The following NR2C1 variants were observed in gnomAD, a reference collection of about 807,000 sequenced individuals.
NR2C1 encodes nuclear receptor subfamily 2 group C member 1.
NR2C1 carries 33 observed loss-of-function variants against 74.8 expected under a neutral mutation model. The ratio of observed to expected loss-of-function variants is 0.44; its 90% confidence interval spans 0.33 to 0.59. The LOEUF is 0.59. Among genes scored for constraint, NR2C1 ranks in the 20% least tolerant of loss-of-function variants. The probability of loss-of-function intolerance (pLI) is 0.02; values close to 1 mark genes in which losing one functional copy is unlikely to be tolerated. For synonymous variants in NR2C1, 225 were observed against 240.6 expected (o/e 0.94, Z 0.60); for missense variants, 568 against 715.6 (o/e 0.79, Z 2.35).
At chr12:95,063,994 A>G (rs1592790455) in intron 2 of NR2C1, among the ~76,000 whole-genome samples, 1 of 134,620 alleles carries the variant, frequency 7.4e-6, no homozygotes, top group Non-Finnish European at 1.5e-5. Context: ...ACACCACTAC[A>G]CTCCAGCCTG....
chr12:95,029,116 C>T (rs186819081), intron 11 of NR2C1, among the ~76,000 whole-genome samples: 1 of 152,190 alleles, frequency 6.6e-6, no homozygotes, highest in African/African-American at 2.4e-5. Flanking sequence ...GGGTCTCGCT[C>T]TGTTGCCCAA....
intron 3 of NR2C1, among the ~76,000 whole-genome samples, chr12:95,061,397 G>A (rs996675097): frequency 1.3e-5 from 2 of 152,134 alleles, no homozygotes; most frequent in African/African-American, 4.8e-5. Context: ...GGAGTAATAT[G>A]GGAACTCTGT....
intron 7 of NR2C1, among the ~76,000 whole-genome samples, chr12:95,052,458 A>G (rs762241962): frequency 6.6e-6 from 1 of 151,830 alleles, no homozygotes; most frequent in African/African-American, 2.4e-5. Flanking sequence ...CCGGCCGTAT[A>G]TGTTACTTTT....
chr12:95,044,943 T>G (rs1265593933), intron 9 of NR2C1, among the ~76,000 whole-genome samples: 1 of 151,914 alleles, frequency 6.6e-6, no homozygotes, highest in Non-Finnish European at 1.5e-5. Flanking sequence ...CTCAGGCCTA[T>G]AATCTCAGCA....
chr12:95,068,890 A>T (rs577571816), intron 1 of NR2C1, among the ~76,000 whole-genome samples: 1 of 152,120 alleles, frequency 6.6e-6, no homozygotes, highest in Non-Finnish European at 1.5e-5. Context: ...ATAAACTTGG[A>T]AGGCAGAGGC....
chr12:95,051,463 G>C (rs140573133), intron 8 of NR2C1, among the ~76,000 whole-genome samples: 1 of 152,282 alleles, frequency 6.6e-6, no homozygotes, highest in East Asian at 1.9e-4. Context: ...CAAGACCTAT[G>C]TGTATTACTC....
At chr12:95,042,318 T>C (rs1264861999) in intron 9 of NR2C1, among the ~76,000 whole-genome samples, 1 of 151,256 alleles carries the variant, frequency 6.6e-6, no homozygotes. Context: ...CAAATGAATG[T>C]CCTTCCTCAG....
rs1874203552 is a variant in NR2C1 at position 95,058,185 on chromosome 12, A to G, written c.544+125T>C. 11 of 856,112 alleles carry G rather than the reference A, an allele frequency of 1.3e-5. 1 individual carries two copies. The South Asian group carries it at 2.0e-4, about 16-fold the overall frequency. The allele number at this position is 856,112 out of a possible 1,614,324, so 53.0% of individuals were successfully genotyped here. On this transcript the variant is annotated intron_variant, in intron 5 of 13. Coordinates refer to ENST00000333003, the MANE Select transcript of NR2C1 (RefSeq NM_003297.4). ...AGTACATACGTAGGTCTGTATTCTT[A>G]TATTTTTAGTTGGAAAACTGTAAAC...
At chr12:95,042,006 G>A (rs186057697) in intron 9 of NR2C1, among the ~76,000 whole-genome samples, 2 of 152,208 alleles carry the variant, frequency 1.3e-5, no homozygotes, top group African/African-American at 4.8e-5. Context: ...AAATCTCACA[G>A]ACATCCAAGT....
intron 1 of NR2C1, among the ~76,000 whole-genome samples, chr12:95,071,398 T>C (rs564139146): frequency 1.3e-5 from 2 of 152,306 alleles, no homozygotes; most frequent in South Asian, 2.1e-4. Context: ...CAAGAGGCTG[T>C]AGATGGTCTT....
chr12:95,036,079 G>A (rs552814284), intron 10 of NR2C1, among the ~76,000 whole-genome samples: 2 of 152,298 alleles, frequency 1.3e-5, no homozygotes, highest in African/African-American at 4.8e-5. Flanking sequence ...AAATTTCTCA[G>A]TAGAGACTCC....
At position 95,057,657 on chromosome 12, in the gene NR2C1, G is replaced by A. The variant is rs754006106; in HGVS notation, c.693-14C>T. 1 of 1,612,636 alleles carries A rather than the reference G, an allele frequency of 6.2e-7. No individual in the cohort carries two copies. Among genetic ancestry groups the A allele is most frequent in the African/African-American group, 1.3e-5 (1 of 74,854 alleles). On this transcript the variant is annotated splice_polypyrimidine_tract_variant and intron_variant, in intron 6 of 13. Coordinates refer to ENST00000333003, the MANE Select transcript of NR2C1 (RefSeq NM_003297.4). ...AGTCCTGTTGACCTGTAACAAATCA[G>A]CACAAATTTTGGCCTGAGTTTCATT...
At chr12:95,036,709 C>A (rs1870895484) in intron 10 of NR2C1, among the ~76,000 whole-genome samples, 1 of 151,942 alleles carries the variant, frequency 6.6e-6, no homozygotes, top group Non-Finnish European at 1.5e-5. Flanking sequence ...CAGGGTTTTG[C>A]CATGTTGCCC....
In NR2C1 at chr12:95,040,468, A is replaced by G. The variant is rs776131920; in HGVS notation, c.1253+8T>C. 22 of 1,596,078 alleles carry G rather than the reference A, an allele frequency of 1.4e-5. No homozygotes were observed. The highest frequency in any genetic ancestry group is 1.4e-5 in the Non-Finnish European group (16 of 1,172,798). On this transcript the variant is annotated splice_region_variant and intron_variant, in intron 10 of 13. Transcript: ENST00000333003. ...TCACATTTATATTCAAGATTTCAAAACACTCACCCTAGAGCCTGGAAAGAA... is the reference window on the plus strand; with the variant it reads ...TCACATTTATATTCAAGATTTCAAAGCACTCACCCTAGAGCCTGGAAAGAA...
Position 95,058,330 on chromosome 12 carries a change from G to A in NR2C1, c.524C>T (p.Ala175Val), listed in dbSNP as rs1386562663. 5 of 1,610,728 alleles carry A rather than the reference G, an allele frequency of 3.1e-6. No homozygotes were observed. Among genetic ancestry groups the A allele is most frequent in the Non-Finnish European group, 3.4e-6 (4 of 1,179,376 alleles). ...CATACAGTCTTGCTTCATTCCAAAC[G>A]CAATACATCTCTGTAACCTGCAGTA... ...CQYCRLQRCIAFGMKQDSVQC... is the reference protein window; with the variant it reads ...CQYCRLQRCIVFGMKQDSVQC... Residue 175 changes from alanine (A) to valine (V), a missense_variant, in exon 5 of 14, where the codon GCG becomes GTG. Coordinates refer to ENST00000333003, the MANE Select transcript of NR2C1 (RefSeq NM_003297.4).
chr12:95,036,289 A>AG (rs1355845367), intron 10 of NR2C1, among the ~76,000 whole-genome samples: 4 of 151,212 alleles, frequency 2.6e-5, no homozygotes, highest in Non-Finnish European at 4.4e-5. Context: ...AAAAAAAAAA[A>AG]AGGCCGGATA....
intron 12 of NR2C1, among the ~76,000 whole-genome samples, chr12:95,026,389 A>G (rs949094797): frequency 6.6e-6 from 1 of 152,148 alleles, no homozygotes; most frequent in African/African-American, 2.4e-5. Flanking sequence ...AAGCATTTCA[A>G]TGGTCACTAT....
intron 7 of NR2C1, 88 bp downstream of exon 7, chr12:95,057,465 C>A: frequency 6.8e-5 from 62 of 906,866 alleles, no homozygotes; most frequent in East Asian, 3.5e-4. Flanking sequence ...TATTTAAGAA[C>A]AAAGCAATTT....
chr12:95,025,487 C>T (rs1314348809), intron 12 of NR2C1: 1 of 274,800 alleles, frequency 3.6e-6, no homozygotes, highest in Non-Finnish European at 6.7e-6. Context: ...GGAGAAGCCC[C>T]ATCTCTACTA....
Sources: gnomAD v4.1 joint callset for allele counts (sites outside exome capture counted in the v4.1 genomes callset) on GRCh38, gnomAD v4.1.1 for gene constraint, MANE v1.5 for transcripts, NCBI Gene and HGNC (gene_info 2026-07-23, HGNC 2026-07-21) for gene names.